CHL1: variants seen among roughly 807,000 people sequenced by gnomAD.
CHL1 encodes neural cell adhesion molecule L1-like protein.
Under a neutral mutation model 141.9 loss-of-function variants are expected in CHL1, and 96 were observed. The ratio of observed to expected loss-of-function variants is 0.68; its 90% CI spans 0.57 to 0.80. CHL1 has a LOEUF of 0.80. CHL1 is among the 30% of genes least tolerant of loss of function. CHL1 has a pLI of 0.00. For missense variants in CHL1, 1,820 were observed against 1,457.2 expected (o/e 1.25, Z -4.05); for synonymous variants, 613 against 502.2 (o/e 1.22, Z -2.95).
intron 15 of CHL1, among the ~76,000 whole-genome samples, chr3:373,435 G>T (rs981569697): frequency 1.3e-5 from 2 of 152,238 alleles, no homozygotes; most frequent in African/African-American, 4.8e-5. Context: ...GGCTGTGGGG[G>T]ACGTGTCTTG....
At chr3:247,922 A>G (rs1030172343) in intron 2 of CHL1, 1 of 151,976 alleles carries the variant, frequency 6.6e-6, no homozygotes, top group African/African-American at 2.4e-5. Context: ...TTCCCATGAT[A>G]TGAGGATATG....
Position 276,762 on chromosome 3 carries a change from A to G in CHL1, c.-95+32070A>G, listed in dbSNP as rs376201713. On this transcript the variant is annotated intron_variant, in intron 2 of 27. Transcript: ENST00000256509. ...AAATTAGCTGGGCATGCTGGCCGGCACCTGTAGTCCCAGCTACTCAGGAGG... is the reference window on the plus strand; with the variant it reads ...AAATTAGCTGGGCATGCTGGCCGGCGCCTGTAGTCCCAGCTACTCAGGAGG... Among the ~76,000 whole-genome samples the G allele has an allele frequency of 2.1e-3, 323 of 151,974 alleles. 1 individual carries two copies. Among genetic ancestry groups the G allele is most frequent in the African/African-American group, 7.2e-3 (299 of 41,450 alleles).
chr3:349,368 A>C lies in CHL1; in HGVS notation c.858A>C (p.Pro286=), dbSNP rs1256370254. ...LECFAEGLPT[P]QVDWNKIGGD... ...TAACTATTTTTTGCAGGCCAACTCC[A>C]CAGGTTGATTGGAACAAAATTGGTG... Residue 286 remains proline, a synonymous_variant, in exon 10 of 28, where the codon CCA becomes CCC. Coordinates refer to ENST00000256509, the MANE Select transcript of CHL1 (RefSeq NM_006614.4). 1.9e-6 allele frequency: 3 copies of C among 1,612,464 alleles called. No homozygotes were observed. Among genetic ancestry groups the C allele is most frequent in the East Asian group, 4.5e-5 (2 of 44,874 alleles).
chr3:334,333 C>T (rs1701694320), intron 5 of CHL1, among the ~76,000 whole-genome samples: 1 of 152,052 alleles, frequency 6.6e-6, no homozygotes, highest in African/African-American at 2.4e-5. Flanking sequence ...CACTATGCCC[C>T]ACCAATGACT....
intron 2 of CHL1, among the ~76,000 whole-genome samples, chr3:290,398 C>G (rs1697577279): frequency 6.6e-6 from 1 of 151,976 alleles, no homozygotes; most frequent in Non-Finnish European, 1.5e-5. Flanking sequence ...GCTGTATTTG[C>G]AAATATGGAA....
At chr3:210,790 G>A (rs562470289) in intron 1 of CHL1, among the ~76,000 whole-genome samples, 1 of 152,290 alleles carries the variant, frequency 6.6e-6, no homozygotes, top group South Asian at 2.1e-4. Flanking sequence ...TGTTCCAAGG[G>A]AACACTCCTT....
At chr3:370,741 T>C (rs1392811830) in intron 15 of CHL1, among the ~76,000 whole-genome samples, 1 of 152,196 alleles carries the variant, frequency 6.6e-6, no homozygotes, top group Non-Finnish European at 1.5e-5. Context: ...ATGTGGGCAT[T>C]TAGTGCTATA....
chr3:239,175 T>G (rs1442359079), intron 1 of CHL1, among the ~76,000 whole-genome samples: 3 of 152,168 alleles, frequency 2.0e-5, no homozygotes, highest in Admixed American at 6.5e-5. Flanking sequence ...AGAACAGTGA[T>G]GTGGCTGCTG....
intron 1 of CHL1, among the ~76,000 whole-genome samples, chr3:206,640 T>C (rs1482851631): frequency 6.6e-6 from 1 of 152,174 alleles, no homozygotes; most frequent in Non-Finnish European, 1.5e-5. Flanking sequence ...CTTGGGAGGC[T>C]GAGGTGGGAG....
At chr3:311,305 C>T (rs1249579534) in intron 2 of CHL1, among the ~76,000 whole-genome samples, 1 of 151,680 alleles carries the variant, frequency 6.6e-6, no homozygotes, top group Admixed American at 6.6e-5. Context: ...AACTGTACTC[C>T]ATTGTGACTG....
intron 1 of CHL1, among the ~76,000 whole-genome samples, chr3:230,573 T>C (rs17264626): frequency 0.072 from 10,974 of 152,184 alleles, 441 homozygotes; most frequent in Middle Eastern, 0.12. Flanking sequence ...ATCACAATAC[T>C]TGGGTGCCAC....
At chr3:256,115 C>G (rs1488054492) in intron 2 of CHL1, among the ~76,000 whole-genome samples, 3 of 152,208 alleles carry the variant, frequency 2.0e-5, no homozygotes, top group Non-Finnish European at 4.4e-5. Context: ...TAAACATATT[C>G]TAAGCGAAGT....
intron 1 of CHL1, among the ~76,000 whole-genome samples, chr3:221,780 T>A (rs187111359): frequency 6.6e-6 from 1 of 152,334 alleles, no homozygotes; most frequent in East Asian, 1.9e-4. Flanking sequence ...TAGTATTAAG[T>A]TAACAAGAAC....
At chr3:401,442 T>C (rs1200821983) in intron 26 of CHL1, among the ~76,000 whole-genome samples, 184 bp from the exon 27 acceptor site, 3 of 152,206 alleles carry the variant, frequency 2.0e-5, no homozygotes, top group East Asian at 1.9e-4. Context: ...TCCCCTCTCT[T>C]TTTTGTTTAA....
At chr3:389,905 T>C (rs1312536032) in intron 20 of CHL1, among the ~76,000 whole-genome samples, 1 of 152,168 alleles carries the variant, frequency 6.6e-6, no homozygotes, top group Non-Finnish European at 1.5e-5. Context: ...ATGAGATATA[T>C]ACCCAGATTT....
At chr3:323,338 T>C (rs1700744021) in intron 3 of CHL1, among the ~76,000 whole-genome samples, 1 of 152,096 alleles carries the variant, frequency 6.6e-6, no homozygotes, top group South Asian at 2.1e-4. Context: ...ATTAGATCAG[T>C]GGCAATTCTA....
At chr3:245,294 C>T (rs913089966) in intron 2 of CHL1, among the ~76,000 whole-genome samples, 3 of 152,082 alleles carry the variant, frequency 2.0e-5, no homozygotes, top group African/African-American at 7.2e-5. Context: ...GAAGGAGGGC[C>T]AAACACACAG....
Position 407,700 on chromosome 3 carries a change from CTCT to C in CHL1, c.*1994_*1996del, listed in dbSNP as rs1263327731. ...CTTAGTTCTGGTGTTATTCTGTCTC[CTCT>C]TCTTTGTCATCAGCCAAAACGTGGT... On this transcript the variant is annotated 3_prime_UTR_variant, in exon 28 of 28. Coordinates refer to ENST00000256509, the MANE Select transcript of CHL1 (RefSeq NM_006614.4). 5.3e-5 allele frequency: 8 copies of C among 152,154 alleles called. No homozygotes were observed. Among genetic ancestry groups the C allele is most frequent in the African/African-American group, 1.9e-4 (8 of 41,438 alleles). 9.4% of individuals were successfully genotyped at this position (152,154 alleles called of 1,614,324 possible).
At chr3:287,881 T>C (rs1574966323) in intron 2 of CHL1, among the ~76,000 whole-genome samples, 1 of 152,280 alleles carries the variant, frequency 6.6e-6, no homozygotes, top group East Asian at 1.9e-4. Context: ...TTCTCCTGCC[T>C]CAGCCTCCCG....
Sources: allele counts gnomAD v4.1 joint callset (sites outside exome capture counted in the v4.1 genomes callset), GRCh38; gene constraint gnomAD v4.1.1; transcripts MANE v1.5; gene names NCBI Gene and HGNC (gene_info 2026-07-23, HGNC 2026-07-21).